Variants in DTNA observed in about 807,000 individuals in gnomAD.
DTNA encodes dystrobrevin alpha, also known as dystrophin-related protein 3.
Under a neutral mutation model 100.7 loss-of-function variants are expected in DTNA, and 43 were observed. The observed-to-expected ratio is 0.43, with a 90% confidence interval of 0.33 to 0.55. The LOEUF is 0.55. Ranked by LOEUF, DTNA falls within the 20% of genes least tolerant of loss-of-function variation. DTNA has a pLI of 0.04. For missense variants in DTNA, 798 were observed against 953.9 expected, an observed-to-expected ratio of 0.84 and a Z score of 2.15; for synonymous variants, 349 against 347.9, an observed-to-expected ratio of 1.00 and a Z score of -0.04.
intron 1 of DTNA, among the ~76,000 whole-genome samples, chr18:34,618,306 A>G (rs1409565304): frequency 6.6e-6 from 1 of 152,216 alleles, no homozygotes; most frequent in East Asian, 1.9e-4. Context: ...TTCTCCTTCA[A>G]TATTTGTAGA....
intron 1 of DTNA, among the ~76,000 whole-genome samples, chr18:34,600,636 A>T (rs753463092): frequency 6.6e-6 from 1 of 152,250 alleles, no homozygotes; most frequent in African/African-American, 2.4e-5. Flanking sequence ...TTTACTAACC[A>T]AAAGATATTT....
Position 34,890,377 on chromosome 18 carries a change from T to G in DTNA, c.*2643T>G. ...CAAAATGGCGTGTGTTATTTTGGGG[T>G]TTTGTGTTTTTTGGTGGGTTTCTTT... On this transcript the variant is annotated 3_prime_UTR_variant, in exon 23 of 23. Transcript: ENST00000444659. 1 of 1,535,946 alleles carries G rather than the reference T, an allele frequency of 6.5e-7. No individual in the cohort carries two copies.
chr18:34,841,921 C>A (rs1031589113), intron 13 of DTNA, among the ~76,000 whole-genome samples: 2 of 152,184 alleles, frequency 1.3e-5, no homozygotes, highest in African/African-American at 4.8e-5. Context: ...TAAAGAAACA[C>A]TTATGTCATT....
chr18:34,586,748 C>G (rs1298487445), intron 1 of DTNA, among the ~76,000 whole-genome samples: 1 of 152,074 alleles, frequency 6.6e-6, no homozygotes, highest in East Asian at 1.9e-4. Context: ...AAATTTTACC[C>G]TCACTTCTTA....
chr18:34,862,140 A>AAAAAAAAAG (rs1555881848), intron 16 of DTNA, among the ~76,000 whole-genome samples: 3 of 146,926 alleles, frequency 2.0e-5, no homozygotes, highest in Admixed American at 6.7e-5. Context: ...AAAAAAAAAA[A>AAAAAAAAAG]AAAGAGAAAG....
At position 34,669,327 on chromosome 18, in the gene DTNA, C is replaced by T. The variant is rs186494265; in HGVS notation, c.-1-86649C>T. ...TTTTGAGCCTATGTGTGTCTCTGCA[C>T]GTGAGATGGGTTTCCTGAATACAGT... On this transcript the variant is annotated intron_variant, in intron 1 of 19. Transcript: ENST00000283365. 1.6e-3 allele frequency among the ~76,000 whole-genome samples: 236 copies of T among 152,206 alleles called. 1 individual carries two copies. Among genetic ancestry groups the T allele is most frequent in the African/African-American group, 4.6e-3 (191 of 41,524 alleles).
In DTNA at chr18:34,875,316, G is replaced by T. The variant is rs9959365; in HGVS notation, c.1821G>T (p.Ala607=). 8.1e-6 allele frequency: 13 copies of T among 1,614,048 alleles called. No homozygotes were observed. Among genetic ancestry groups the T allele is most frequent in the Non-Finnish European group, 1.0e-5 (12 of 1,180,034 alleles). ...SRPIPMPIRS[A]SACSTPTHTP... ...CAATTCCCATGCCCATCCGGTCAGC[G>T]TCAGCCTGCTCCACCCCGACGCACA... The change falls in exon 18 of 23, where the codon GCG becomes GCT. Residue 607 remains alanine, a synonymous_variant. Coordinates refer to ENST00000444659, the MANE Select transcript of DTNA (RefSeq NM_001386795.1).
intron 3 of DTNA, among the ~76,000 whole-genome samples, chr18:34,780,743 C>A (rs909503545): frequency 6.6e-6 from 1 of 152,128 alleles, no homozygotes; most frequent in South Asian, 2.1e-4. Context: ...CCCCAGGAAG[C>A]AGACCTCAGG....
At chr18:34,841,034 T>C (rs2096258574) in intron 13 of DTNA, among the ~76,000 whole-genome samples, 2 of 152,104 alleles carry the variant, frequency 1.3e-5, no homozygotes, top group African/African-American at 4.8e-5. Flanking sequence ...ACTTACCTCA[T>C]GCCAAGCTCT....
intron 1 of DTNA, among the ~76,000 whole-genome samples, chr18:34,742,610 G>T (rs889974861): frequency 4.1e-5 from 1 of 24,582 alleles, no homozygotes; most frequent in Non-Finnish European, 8.5e-5. Flanking sequence ...GGGTTAAGAT[G>T]TGGACATCTC....
chr18:34,573,960 G>A (rs2047855833), intron 1 of DTNA: 1 of 152,620 alleles, frequency 6.6e-6, no homozygotes, highest in Non-Finnish European at 1.5e-5. Flanking sequence ...GTGTGGCACT[G>A]AAATGTATTA....
In DTNA at chr18:34,838,943, A is replaced by G. The variant is rs2149722572; in HGVS notation, c.1346+106A>G. The G allele has an allele frequency of 1.9e-5, 17 of 878,766 alleles. No individual in the cohort carries two copies. The Middle Eastern group carries it at 7.1e-4, about 37-fold the overall frequency. The allele number at this position is 878,766 out of a possible 1,614,324, so 54.4% of individuals were successfully genotyped here. A position where few individuals can be genotyped will look rare whatever the true frequency, so the allele number is the denominator to read the frequency against. On this transcript the variant is annotated intron_variant, in intron 13 of 22. Transcript: ENST00000444659. ...AAGGTCACTGGATGCCAGTGGTGAC[A>G]CTGAAGCACTGTTAACTGGTTCAGT... is the stretch of plus-strand genomic sequence containing the variant.
intron 1 of DTNA, among the ~76,000 whole-genome samples, chr18:34,513,333 A>T (rs2041276807): frequency 6.6e-6 from 1 of 152,182 alleles, no homozygotes; most frequent in East Asian, 1.9e-4. Context: ...CTAAATAGTT[A>T]TGGTCATAAC....
At chr18:34,587,879 C>T (rs542928632) in intron 1 of DTNA, among the ~76,000 whole-genome samples, 21 of 152,240 alleles carry the variant, frequency 1.4e-4, no homozygotes, top group Non-Finnish European at 1.6e-4. Context: ...GCTGAAAATC[C>T]TGTATCCCAG....
At chr18:34,749,753 T>C (rs1249787123) in intron 1 of DTNA, among the ~76,000 whole-genome samples, 1 of 152,090 alleles carries the variant, frequency 6.6e-6, no homozygotes, top group Non-Finnish European at 1.5e-5. Context: ...CATTATAACC[T>C]TGTATTTTAG....
At chr18:34,590,720 G>A (rs1567964178) in intron 1 of DTNA, among the ~76,000 whole-genome samples, 1 of 152,204 alleles carries the variant, frequency 6.6e-6, no homozygotes, top group Non-Finnish European at 1.5e-5. Context: ...TTCTTTGGAA[G>A]CAAGCCCTAG....
intron 1 of DTNA, among the ~76,000 whole-genome samples, chr18:34,535,963 T>C (rs912511303): frequency 3.6e-4 from 55 of 152,208 alleles, no homozygotes; most frequent in Non-Finnish European, 6.2e-4. Flanking sequence ...TTTCTCTCTC[T>C]TCCTGAAAAA....
intron 1 of DTNA, among the ~76,000 whole-genome samples, chr18:34,595,152 C>A (rs1486429058): frequency 6.6e-6 from 1 of 152,146 alleles, no homozygotes; most frequent in Non-Finnish European, 1.5e-5. Context: ...CATTGTATTA[C>A]CAGTTGTGTA....
intron 2 of DTNA, among the ~76,000 whole-genome samples, chr18:34,765,524 C>T (rs1436659030): frequency 2.0e-5 from 3 of 152,156 alleles, no homozygotes; most frequent in African/African-American, 4.8e-5. Flanking sequence ...GGCCTAAGGG[C>T]ACACAGAGAA....
Sources: allele counts gnomAD v4.1 joint callset (sites outside exome capture counted in the v4.1 genomes callset), GRCh38; gene constraint gnomAD v4.1.1; transcripts MANE v1.5; gene names NCBI Gene and HGNC (gene_info 2026-07-23, HGNC 2026-07-21).